Variants in CELSR1 observed in about 807,000 individuals in gnomAD.
The protein encoded by CELSR1 is adhesion G protein-coupled receptor C1.
CELSR1 carries 110 observed loss-of-function variants against 249.1 expected under a neutral mutation model. The observed-to-expected ratio is 0.44, with a 90% CI of 0.38 to 0.52. The LOEUF (loss-of-function observed/expected upper bound fraction) is 0.52. CELSR1 is among the 20% of genes least tolerant of loss of function. The pLI is 0.00. For missense variants in CELSR1, 4,109 were observed against 4,296.4 expected, an observed-to-expected ratio of 0.96 and a Z score of 1.22; for synonymous variants, 2,113 against 1,900.0, an observed-to-expected ratio of 1.11 and a Z score of -2.92.
rs1435261097 is a variant in CELSR1, at chr22:46,526,396, G to A, written c.3544+7231C>T. Among the ~76,000 whole-genome samples the A allele has an allele frequency of 6.6e-6, 1 of 152,180 alleles. No homozygotes were observed. The highest frequency in any genetic ancestry group is 1.5e-5 in the Non-Finnish European group (1 of 68,022). ...CCAACTCTGCTGGGCCTTTAGCTCA[G>A]CCTTGTGCAGGCCTGTCCCCATGAC... On this transcript the variant is annotated intron_variant, in intron 1 of 34. Transcript: ENST00000674500. This position sits in a 1 kb window ranked among gnomAD's most constrained non-coding sequence, Gnocchi z 4.7.
At chr22:46,372,835 CT>C in intron 25 of CELSR1, 47 bp downstream of exon 25, 1 of 1,554,356 alleles carries the variant, frequency 6.4e-7, no homozygotes, top group Non-Finnish European at 8.7e-7. Flanking sequence ...CAGCTGGGGT[CT>C]GTTGGAAATC....
intron 9 of CELSR1, among the ~76,000 whole-genome samples, chr22:46,403,066 A>G (rs1317961317): frequency 3.3e-5 from 5 of 152,194 alleles, no homozygotes; most frequent in Admixed American, 2.0e-4. Context: ...GAATTTCATA[A>G]TGATAACCAA....
Position 46,399,890 on chromosome 22 carries a change from A to G in CELSR1, c.5239T>C (p.Tyr1747His), listed in dbSNP as rs1344441838. The stretch of plus-strand genomic sequence containing the variant: ...CCGTGGGACACCTCAAACTGGAGGT[A>G]GTTGTTCAGGATCTGGAGCAGGGAG... ...TSFRLQILNNYLQFEVSHGPS... is the reference protein window; with the variant it reads ...TSFRLQILNNHLQFEVSHGPS... Residue 1747 changes from tyrosine to histidine, a missense_variant, in exon 10 of 35, where the codon TAC (tyrosine) becomes CAC (histidine). Physicochemically the swap from Tyr to His is moderately conservative, Grantham distance 83. Transcript: ENST00000674500. The surrounding 1 kb of genome is among the most constrained non-coding windows in gnomAD (Gnocchi z 5.0). 1 of 1,614,102 alleles carries G rather than the reference A, an allele frequency of 6.2e-7. No homozygotes were observed. The highest frequency in any genetic ancestry group is 1.1e-5 in the South Asian group (1 of 91,068).
chr22:46,431,879 C>G (rs2079600017), intron 5 of CELSR1, among the ~76,000 whole-genome samples: 1 of 152,244 alleles, frequency 6.6e-6, no homozygotes, highest in Non-Finnish European at 1.5e-5. Flanking sequence ...GCCCCTGCAC[C>G]TCTGTCAAGC....
intron 1 of CELSR1, among the ~76,000 whole-genome samples, chr22:46,491,785 C>T (rs561695330): frequency 8.2e-4 from 125 of 151,634 alleles, no homozygotes; most frequent in Non-Finnish European, 1.6e-3. Context: ...CAGGCGCACA[C>T]GCCACCACGC....
At chr22:46,459,358 T>C (rs1024121212) in intron 2 of CELSR1, among the ~76,000 whole-genome samples, 2 of 152,184 alleles carry the variant, frequency 1.3e-5, no homozygotes, top group Non-Finnish European at 2.9e-5. Flanking sequence ...GGTGTGAGGT[T>C]AACAGCTGCA....
intron 2 of CELSR1, among the ~76,000 whole-genome samples, chr22:46,459,738 G>A (rs1340906658): frequency 6.6e-6 from 1 of 152,166 alleles, no homozygotes; most frequent in Admixed American, 6.5e-5. Context: ...ATGTCCCTGG[G>A]GGCAAAATCA....
chr22:46,370,689 G>T, intron 25 of CELSR1, among the ~76,000 whole-genome samples: 1 of 152,168 alleles, frequency 6.6e-6, no homozygotes, highest in African/African-American at 2.4e-5. Flanking sequence ...AGAGATCCCA[G>T]CTCCCTCCTG....
Position 46,441,251 on chromosome 22 carries a change from C to T in CELSR1, c.4184-1840G>A, listed in dbSNP as rs983972594. On this transcript the variant is annotated intron_variant, in intron 2 of 34. Transcript: ENST00000674500. This position sits in a 1 kb window ranked among gnomAD's most constrained non-coding sequence, Gnocchi z 6.1. ...ATAACCCAGCATACCCTTCAAATGGCAGCATCTTCCTGGAGCCCAGACCTC... is the reference window on the plus strand; with the variant it reads ...ATAACCCAGCATACCCTTCAAATGGTAGCATCTTCCTGGAGCCCAGACCTC... 5.3e-5 allele frequency among the ~76,000 whole-genome samples: 8 copies of T among 152,024 alleles called. No homozygotes were observed. Among genetic ancestry groups the T allele is most frequent in the Non-Finnish European group, 1.0e-4 (7 of 68,014 alleles).
chr22:46,453,341 A>G (rs1391203912), intron 2 of CELSR1, among the ~76,000 whole-genome samples: 3 of 152,188 alleles, frequency 2.0e-5, no homozygotes, highest in African/African-American at 7.2e-5. Flanking sequence ...CAGCACCCCA[A>G]CGGTTCAAAT....
Position 46,439,418 on chromosome 22 carries a change from G to C in CELSR1, c.4184-7C>G, listed in dbSNP as rs1242374412. The C allele has an allele frequency of 6.2e-7, 1 of 1,608,242 alleles. No individual in the cohort carries two copies. The highest frequency in any genetic ancestry group is 1.7e-5 in the Admixed American group (1 of 59,470). ...TCCACCTCACAGTGCTCTCCTGGGG[G>C]GCGAGAGGAAGATGCCAGAGAGGAG... On this transcript the variant is annotated splice_polypyrimidine_tract_variant and splice_region_variant and intron_variant, in intron 2 of 34. Coordinates refer to ENST00000674500, the MANE Select transcript of CELSR1 (RefSeq NM_001378328.1).
At chr22:46,443,770 G>A (rs990140701) in intron 2 of CELSR1, among the ~76,000 whole-genome samples, 2 of 152,264 alleles carry the variant, frequency 1.3e-5, no homozygotes, top group Non-Finnish European at 2.9e-5. Flanking sequence ...ATATGAGCAA[G>A]TCAGTGCTCG....
intron 2 of CELSR1, among the ~76,000 whole-genome samples, chr22:46,461,719 G>C (rs1164645857): frequency 1.3e-5 from 2 of 152,252 alleles, no homozygotes; most frequent in African/African-American, 4.8e-5. Flanking sequence ...ACTATCTGCG[G>C]AGTAAAGATG....
rs1470575627 is a variant in CELSR1 at position 46,406,391 on chromosome 22, G to T, written c.5226+2605C>A. On this transcript the variant is annotated intron_variant, in intron 9 of 34. Coordinates refer to ENST00000674500, the MANE Select transcript of CELSR1 (RefSeq NM_001378328.1). This position sits in a 1 kb window ranked among gnomAD's most constrained non-coding sequence, Gnocchi z 5.4. Reference sequence around the variant, plus strand: ...CCAGGCAATCCGAGAGGTCTGTGCTGGAAAATGCTCCCGAGCTGTGATGGG... The same window carrying T: ...CCAGGCAATCCGAGAGGTCTGTGCTTGAAAATGCTCCCGAGCTGTGATGGG... Among the ~76,000 whole-genome samples the T allele has an allele frequency of 1.3e-5, 2 of 152,210 alleles. No homozygotes were observed. Among genetic ancestry groups the T allele is most frequent in the African/African-American group, 4.8e-5 (2 of 41,444 alleles).
In CELSR1 at chr22:46,516,921, C is replaced by T. The variant is rs577178234; in HGVS notation, c.3544+16706G>A. The stretch of plus-strand genomic sequence containing the variant: ...TGCAGCTGACCCCCACTGACCCATG[C>T]CCAGAATCCCACCTAAACCAGTGTC... On this transcript the variant is annotated intron_variant, in intron 1 of 34. Transcript: ENST00000674500. Among the ~76,000 whole-genome samples the T allele has an allele frequency of 3.9e-5, 6 of 152,320 alleles. No individual in the cohort carries two copies. In the East Asian group the frequency reaches 9.7e-4, roughly 25 times the overall value.
chr22:46,459,132 C>T (rs1029156778), intron 2 of CELSR1, among the ~76,000 whole-genome samples: 4 of 152,288 alleles, frequency 2.6e-5, no homozygotes, highest in Non-Finnish European at 5.9e-5. Flanking sequence ...TCGTGATCCA[C>T]GTGCCTCGGC....
rs757273282 is a variant in CELSR1, at chr22:46,364,274, G to A, written c.8780-23C>T. On this transcript the variant is annotated intron_variant, in intron 33 of 34. Transcript: ENST00000674500. ...TGCCTGGGAGGAGGAGACACGGCAAGGTCAAGTCCGGGTGATGCTGCCGGG... is the reference window on the plus strand; with the variant it reads ...TGCCTGGGAGGAGGAGACACGGCAAAGTCAAGTCCGGGTGATGCTGCCGGG... 11 of 1,602,470 alleles carry A rather than the reference G, an allele frequency of 6.9e-6. No homozygotes were observed. In the South Asian group the frequency reaches 7.7e-5, roughly 11 times the overall value.
At chr22:46,370,414 G>A (rs575241227) in intron 25 of CELSR1, among the ~76,000 whole-genome samples, 8 of 151,446 alleles carry the variant, frequency 5.3e-5, no homozygotes, top group African/African-American at 1.9e-4. Context: ...CCATACACAC[G>A]TGCACACCAC....
At chr22:46,383,711 A>G (rs922415214) in intron 20 of CELSR1, among the ~76,000 whole-genome samples, 1 of 151,962 alleles carries the variant, frequency 6.6e-6, no homozygotes, top group African/African-American at 2.4e-5. Context: ...AAACTTCTTT[A>G]GTAGAGATGG....
Sources: allele counts gnomAD v4.1 joint callset (sites outside exome capture counted in the v4.1 genomes callset), GRCh38; gene constraint gnomAD v4.1.1; non-coding constraint Gnocchi (gnomAD v3.1); transcripts MANE v1.5; gene names NCBI Gene and HGNC (gene_info 2026-07-23, HGNC 2026-07-21).